Variants in PARD3B observed in about 807,000 individuals in gnomAD.
PARD3B encodes par-3 family cell polarity regulator beta, also known as partitioning defective 3 homolog B.
PARD3B carries 103 observed loss-of-function variants against 130.2 expected under a neutral mutation model. The observed-to-expected ratio is 0.79, with a 90% CI of 0.67 to 0.93. The LOEUF (loss-of-function observed/expected upper bound fraction) is 0.93. Among genes scored for constraint, PARD3B ranks in the 40% least tolerant of loss-of-function variants. PARD3B has a pLI of 0.00. For missense variants in PARD3B, 1,609 were observed against 1,499.2 expected, an observed-to-expected ratio of 1.07 and a Z score of -1.21; for synonymous variants, 583 against 553.2, an observed-to-expected ratio of 1.05 and a Z score of -0.76.
rs2040397893 is a variant in PARD3B, at chr2:205,263,585, A to G, written c.2185+17763A>G. On this transcript the variant is annotated intron_variant, in intron 16 of 22. Coordinates refer to ENST00000406610, the MANE Select transcript of PARD3B (RefSeq NM_001302769.2). The surrounding 1 kb of genome is among the most constrained non-coding windows in gnomAD (Gnocchi z 4.0). ...ATAAGAAGCTAATCTGACATGGTTC[A>G]CAGATCTTAAATGTGAGCACTAAAA... is the stretch of plus-strand genomic sequence containing the variant. 6.6e-6 allele frequency among the ~76,000 whole-genome samples: 1 copy of G among 151,196 alleles called. No individual in the cohort carries two copies. Among genetic ancestry groups the G allele is most frequent in the Non-Finnish European group, 1.5e-5 (1 of 67,662 alleles).
chr2:204,821,466 C>T (rs1045872916), intron 2 of PARD3B, among the ~76,000 whole-genome samples: 1 of 147,948 alleles, frequency 6.8e-6, no homozygotes, highest in Non-Finnish European at 1.5e-5. Context: ...AACCAAACAC[C>T]GCATATTCTC....
At position 204,899,277 on chromosome 2, in the gene PARD3B, CCTGTCTTCCTTCCTGTCTTCCTTCCTTG is replaced by C. The variant is rs1368623415; in HGVS notation, c.223-65863_223-65836del. ...CCCTCCCTTCCTTCCTTCCTTCCTT[CCTGTCTTCCTTCCTGTCTTCCTTCCTTG>C]CTGTCTTCCTTTCAGTGTAGGTGGT... is the stretch of plus-strand genomic sequence containing the variant. On this transcript the variant is annotated intron_variant, in intron 2 of 22. Transcript: ENST00000406610. 1.2e-4 allele frequency among the ~76,000 whole-genome samples: 14 copies of C among 116,158 alleles called. No homozygotes were observed. In the Admixed American group the frequency reaches 1.5e-3, roughly 12 times the overall value. 76.2% of individuals were successfully genotyped at this position (116,158 alleles called of 152,430 possible).
At chr2:205,222,863 G>GGA (rs1553642379) in intron 15 of PARD3B, among the ~76,000 whole-genome samples, 9 of 149,748 alleles carry the variant, frequency 6.0e-5, no homozygotes, top group African/African-American at 2.0e-4. Context: ...TGTCAGGTGG[G>GGA]AAAAAAAAAA....
intron 11 of PARD3B, among the ~76,000 whole-genome samples, chr2:205,159,268 A>C (rs546522405): frequency 9.8e-5 from 15 of 152,358 alleles, no homozygotes; most frequent in African/African-American, 3.1e-4. Context: ...AAGGCAGCAA[A>C]TAAGACAGTT....
chr2:205,394,163 T>C (rs369627903), intron 18 of PARD3B, among the ~76,000 whole-genome samples: 3 of 152,052 alleles, frequency 2.0e-5, no homozygotes, highest in African/African-American at 7.2e-5. Flanking sequence ...CAAATTCCAC[T>C]TTTCCAGATG....
intron 2 of PARD3B, among the ~76,000 whole-genome samples, chr2:204,949,788 T>C (rs75893545): frequency 0.018 from 2,813 of 152,324 alleles, 89 homozygotes; most frequent in African/African-American, 0.063. Flanking sequence ...TTTTATAAAT[T>C]AAGTCTATCT....
At chr2:205,171,760 C>A (rs2035185463) in intron 11 of PARD3B, among the ~76,000 whole-genome samples, 1 of 152,152 alleles carries the variant, frequency 6.6e-6, no homozygotes. Flanking sequence ...TACATTACTA[C>A]TGTCAAGCAC....
At chr2:205,204,874 A>G (rs1414253879) in intron 15 of PARD3B, among the ~76,000 whole-genome samples, 1 of 152,192 alleles carries the variant, frequency 6.6e-6, no homozygotes, top group East Asian at 1.9e-4. Flanking sequence ...GTTTGAAGTC[A>G]GGTAGCATGA....
chr2:205,345,392 A>G (rs1009505967), intron 18 of PARD3B, among the ~76,000 whole-genome samples: 1 of 152,156 alleles, frequency 6.6e-6, no homozygotes, highest in African/African-American at 2.4e-5. Flanking sequence ...TTCTGGGTAT[A>G]GGAGATATCT....
intron 19 of PARD3B, among the ~76,000 whole-genome samples, chr2:205,438,894 G>T (rs1047957804): frequency 6.6e-6 from 1 of 152,162 alleles, no homozygotes; most frequent in Non-Finnish European, 1.5e-5. Flanking sequence ...GTAACTTGAG[G>T]ATAGGTGCTG....
At chr2:205,119,199 T>A (rs368621752) in intron 7 of PARD3B, among the ~76,000 whole-genome samples, 153 bp downstream of exon 7, 1 of 152,184 alleles carries the variant, frequency 6.6e-6, no homozygotes. Flanking sequence ...TTCTAATGTT[T>A]TAGCCTACTC....
rs541959422 is a variant in PARD3B, at chr2:205,176,039, A to G, written c.1792-406A>G. The stretch of plus-strand genomic sequence containing the variant: ...CTTGAATTCTGACTTGTCCTAGAGC[A>G]TATGCACTTAGGCGCAGAGAGAGAG... On this transcript the variant is annotated intron_variant, in intron 12 of 22. Coordinates refer to ENST00000406610, the MANE Select transcript of PARD3B (RefSeq NM_001302769.2). The surrounding 1 kb of genome is among the most constrained non-coding windows in gnomAD (Gnocchi z 5.3). Among the ~76,000 whole-genome samples the G allele has an allele frequency of 6.6e-6, 1 of 152,312 alleles. No homozygotes were observed. The highest frequency in any genetic ancestry group is 6.5e-5 in the Admixed American group (1 of 15,296).
rs2055423998 is a variant in PARD3B, at chr2:205,616,063, GC to G, written c.*251del. The G allele has an allele frequency of 2.0e-6, 1 of 495,692 alleles. No homozygotes were observed. The highest frequency in any genetic ancestry group is 3.6e-6 in the Non-Finnish European group (1 of 281,038). 30.7% of individuals were successfully genotyped at this position (495,692 alleles called of 1,614,324 possible). A position where few individuals can be genotyped will look rare whatever the true frequency, so the allele number is the denominator to read the frequency against. ...AACAAAACTACCTGATAGTTGAAAC[GC>G]TTTCAGAGTTGTTCAAATCAGTGAG... is the stretch of plus-strand genomic sequence containing the variant. On this transcript the variant is annotated 3_prime_UTR_variant, in exon 23 of 23. Transcript: ENST00000406610.
rs560683707 is a variant in PARD3B at position 205,525,178 on chromosome 2, T to C, written c.3180+25147T>C. 1.2e-4 allele frequency among the ~76,000 whole-genome samples: 18 copies of C among 152,248 alleles called. No individual in the cohort carries two copies. Among genetic ancestry groups the C allele is most frequent in the Middle Eastern group, 3.4e-3 (1 of 294 alleles). Reference sequence around the variant, plus strand: ...TGACTGGAAAATACTAGGGCTTTTTTCCCCTCCTACATGGTTAACTCCTAA... The same window carrying C: ...TGACTGGAAAATACTAGGGCTTTTTCCCCCTCCTACATGGTTAACTCCTAA... On this transcript the variant is annotated intron_variant, in intron 21 of 22. Coordinates refer to ENST00000406610, the MANE Select transcript of PARD3B (RefSeq NM_001302769.2). This position sits in a 1 kb window ranked among gnomAD's most constrained non-coding sequence, Gnocchi z 4.2.
intron 2 of PARD3B, among the ~76,000 whole-genome samples, chr2:204,695,299 C>G (rs144148506): frequency 2.0e-5 from 3 of 151,668 alleles, no homozygotes; most frequent in African/African-American, 4.8e-5. Flanking sequence ...ATGTAACTTA[C>G]GAATTACAAT....
At position 204,886,474 on chromosome 2, in the gene PARD3B, G is replaced by C. The variant is rs1393210286; in HGVS notation, c.223-78678G>C. On this transcript the variant is annotated intron_variant, in intron 2 of 22. Coordinates refer to ENST00000406610, the MANE Select transcript of PARD3B (RefSeq NM_001302769.2). ...CTGAGTGTTGCCTGCCAGCGCATTG[G>C]GTCTTAGTGTTTTATGAATTATTCT... Among the ~76,000 whole-genome samples, 3 of 152,146 alleles carry C rather than the reference G, an allele frequency of 2.0e-5. No individual in the cohort carries two copies. The South Asian group carries it at 6.2e-4, about 32-fold the overall frequency.
intron 2 of PARD3B, among the ~76,000 whole-genome samples, chr2:204,759,531 G>T (rs2040814557): frequency 6.6e-6 from 1 of 151,822 alleles, no homozygotes; most frequent in Admixed American, 6.6e-5. Flanking sequence ...TCATATCAGT[G>T]GTTTTAAAAA....
At chr2:204,763,123 A>C (rs2125412106) in intron 2 of PARD3B, among the ~76,000 whole-genome samples, 1 of 152,074 alleles carries the variant, frequency 6.6e-6, no homozygotes, top group African/African-American at 2.4e-5. Context: ...ATATTGTATA[A>C]CCCTATAACA....
At position 205,525,997 on chromosome 2, in the gene PARD3B, TTATCAG is replaced by T. The variant is rs2051319390; in HGVS notation, c.3180+25973_3180+25978del. Among the ~76,000 whole-genome samples, 1 of 152,234 alleles carries T rather than the reference TTATCAG, an allele frequency of 6.6e-6. No individual in the cohort carries two copies. The highest frequency in any genetic ancestry group is 2.4e-5 in the African/African-American group (1 of 41,478). The stretch of plus-strand genomic sequence containing the variant: ...TCGCAGGGTCTGGGGCTCCATGTCC[TTATCAG>T]TATCAGACTTCCACTGAGGCTGCTG... On this transcript the variant is annotated intron_variant, in intron 21 of 22. Transcript: ENST00000406610. This position sits in a 1 kb window ranked among gnomAD's most constrained non-coding sequence, Gnocchi z 4.2.
Sources: allele counts gnomAD v4.1 joint callset (sites outside exome capture counted in the v4.1 genomes callset), GRCh38; gene constraint gnomAD v4.1.1; non-coding constraint Gnocchi (gnomAD v3.1); transcripts MANE v1.5; gene names NCBI Gene and HGNC (gene_info 2026-07-23, HGNC 2026-07-21).